Variants in ADGRV1 observed in about 807,000 individuals in gnomAD.
ADGRV1 encodes G-protein coupled receptor 98.
A neutral mutation model predicts 596.2 loss-of-function variants in ADGRV1; 359 were observed. The ratio of observed to expected loss-of-function variants is 0.60; its 90% CI spans 0.55 to 0.66. The LOEUF (loss-of-function observed/expected upper bound fraction) is 0.66. Among genes scored for constraint, ADGRV1 ranks in the 30% least tolerant of loss-of-function variants. The probability of loss-of-function intolerance (pLI) is 0.00; values close to 1 mark genes in which losing one functional copy is unlikely to be tolerated. For missense variants in ADGRV1, 7,274 were observed against 7,575.6 expected (o/e 0.96, Z 1.48); for synonymous variants, 2,681 against 2,679.2 (o/e 1.00, Z -0.02).
chr5:90,972,272 T>G (rs908377431), intron 84 of ADGRV1, among the ~76,000 whole-genome samples: 3 of 152,160 alleles, frequency 2.0e-5, no homozygotes, highest in South Asian at 4.1e-4. Flanking sequence ...AACACCCCAC[T>G]GTCAACATTA....
intron 81 of ADGRV1, among the ~76,000 whole-genome samples, chr5:90,854,694 G>A (rs544180449): frequency 3.3e-5 from 5 of 152,122 alleles, no homozygotes; most frequent in South Asian, 2.1e-4. Flanking sequence ...GAATCTCCTC[G>A]GCCTCAGGCC....
chr5:90,692,442 C>T (rs936423636), intron 31 of ADGRV1, among the ~76,000 whole-genome samples, 163 bp from the exon 32 acceptor site: 2 of 152,052 alleles, frequency 1.3e-5, no homozygotes, highest in African/African-American at 4.8e-5. Flanking sequence ...CTGTTACATG[C>T]TGGGTTTGTA....
chr5:90,932,810 G>A (rs992446000), intron 83 of ADGRV1, among the ~76,000 whole-genome samples: 2 of 151,632 alleles, frequency 1.3e-5, no homozygotes. Context: ...GTGTGTGTGT[G>A]TATACATACA....
chr5:90,564,774 C>G (rs1755380366), intron 1 of ADGRV1, among the ~76,000 whole-genome samples: 1 of 90,534 alleles, frequency 1.1e-5, no homozygotes, highest in Non-Finnish European at 2.2e-5. Flanking sequence ...CTACAGGCGC[C>G]CGCCACTGCG....
chr5:90,913,639 T>C (rs1181893441), intron 83 of ADGRV1, among the ~76,000 whole-genome samples: 1 of 151,890 alleles, frequency 6.6e-6, no homozygotes, highest in African/African-American at 2.4e-5. Context: ...AAACTAAATA[T>C]CTTCCATTTA....
At chr5:90,935,677 C>T in intron 83 of ADGRV1, among the ~76,000 whole-genome samples, 1 of 152,170 alleles carries the variant, frequency 6.6e-6, no homozygotes, top group Non-Finnish European at 1.5e-5. Context: ...GCCCTTACAC[C>T]TATACACATA....
At chr5:90,975,300 TC>T (rs1214149554) in intron 84 of ADGRV1, among the ~76,000 whole-genome samples, 1 of 152,122 alleles carries the variant, frequency 6.6e-6, no homozygotes, top group Admixed American at 6.5e-5. Flanking sequence ...TGGCGATTCC[TC>T]AAGGATCTAG....
intron 5 of ADGRV1, among the ~76,000 whole-genome samples, chr5:90,624,254 C>G (rs1267377785): frequency 6.6e-6 from 1 of 152,130 alleles, no homozygotes; most frequent in Non-Finnish European, 1.5e-5. Flanking sequence ...GGAAGCATTA[C>G]ACAGTTTTTC....
At chr5:90,819,812 T>G (rs1374030510) in intron 75 of ADGRV1, among the ~76,000 whole-genome samples, 2 of 152,222 alleles carry the variant, frequency 1.3e-5, no homozygotes, top group African/African-American at 4.8e-5. Flanking sequence ...CTTTTACATT[T>G]GCTGAGGAGA....
rs929785398 is a variant in ADGRV1, at chr5:91,043,586, C to T, written c.18153-28861C>T. On this transcript the variant is annotated intron_variant, in intron 85 of 89. Coordinates refer to ENST00000405460, the MANE Select transcript of ADGRV1 (RefSeq NM_032119.4). ...GAAGTTAAATAAGCTCTCTGTGCCT[C>T]AGTTCCTCCATTTATAAAATGGGGA... 9.9e-5 allele frequency among the ~76,000 whole-genome samples: 15 copies of T among 152,218 alleles called. No individual in the cohort carries two copies. The South Asian group carries it at 1.7e-3, about 17-fold the overall frequency.
chr5:91,081,719 GA>G (rs1237058226), intron 86 of ADGRV1, among the ~76,000 whole-genome samples: 1 of 152,184 alleles, frequency 6.6e-6, no homozygotes, highest in African/African-American at 2.4e-5. Flanking sequence ...CCGGGAGGCA[GA>G]GGTTGCAGTG....
At chr5:90,729,017 C>A in intron 49 of ADGRV1, 84 bp downstream of exon 49, 1 of 970,284 alleles carries the variant, frequency 1.0e-6, no homozygotes, top group South Asian at 2.1e-5. Context: ...TGAAAATGCT[C>A]TTGCAATAAT....
chr5:90,718,160 A>G (rs954565920), intron 43 of ADGRV1: 2 of 152,166 alleles, frequency 1.3e-5, no homozygotes, highest in Non-Finnish European at 1.5e-5. Context: ...TCCTCTCCCT[A>G]GTAATCTCCA....
chr5:91,117,200 G>A lies in ADGRV1; in HGVS notation c.18432+14860G>A, dbSNP rs377601122. 4.6e-5 allele frequency among the ~76,000 whole-genome samples: 7 copies of A among 151,930 alleles called. No homozygotes were observed. The East Asian group carries it at 1.3e-3, about 29-fold the overall frequency. ...AAATTTTATAGTAAAATTTTTATTTGGAAAATTTGTAATGTCAAAAATATA... is the reference window on the plus strand; with the variant it reads ...AAATTTTATAGTAAAATTTTTATTTAGAAAATTTGTAATGTCAAAAATATA... On this transcript the variant is annotated intron_variant, in intron 87 of 89. Coordinates refer to ENST00000405460, the MANE Select transcript of ADGRV1 (RefSeq NM_032119.4).
At chr5:90,827,090 A>G (rs919412077) in intron 76 of ADGRV1, among the ~76,000 whole-genome samples, 3 of 152,184 alleles carry the variant, frequency 2.0e-5, no homozygotes, top group South Asian at 2.1e-4. Flanking sequence ...ATATTTAAGT[A>G]AGGTATTGTT....
chr5:90,562,477 G>C (rs1004876616), intron 1 of ADGRV1, among the ~76,000 whole-genome samples: 1 of 152,098 alleles, frequency 6.6e-6, no homozygotes, highest in African/African-American at 2.4e-5. Flanking sequence ...AGGCACAAGC[G>C]GCTGTGGTAA....
intron 87 of ADGRV1, among the ~76,000 whole-genome samples, chr5:91,113,515 C>T (rs774703389): frequency 6.6e-6 from 1 of 152,062 alleles, no homozygotes; most frequent in Non-Finnish European, 1.5e-5. Context: ...GATTACCTTC[C>T]CATTGAGGCC....
At chr5:90,792,419 A>C (rs1760184926) in intron 70 of ADGRV1, 1 of 152,220 alleles carries the variant, frequency 6.6e-6, no homozygotes, top group African/African-American at 2.4e-5. Context: ...TGTGTTGTGT[A>C]CTCGAGCCTT....
At chr5:90,717,240 T>C (rs1033979061) in intron 43 of ADGRV1, 1 of 152,160 alleles carries the variant, frequency 6.6e-6, no homozygotes, top group Non-Finnish European at 1.5e-5. Context: ...CAAACCTCTT[T>C]TTCTATATAT....
Sources: gnomAD v4.1 joint callset for allele counts (sites outside exome capture counted in the v4.1 genomes callset) on GRCh38, gnomAD v4.1.1 for gene constraint, MANE v1.5 for transcripts, NCBI Gene and HGNC (gene_info 2026-07-23, HGNC 2026-07-21) for gene names.